The following ADARB2 variants were observed in gnomAD, a reference collection of about 807,000 sequenced individuals.
ADARB2 encodes inactive double-stranded RNA-specific editase B2.
In ADARB2, 25 loss-of-function variants were observed where a neutral mutation model predicts 62.2. The ratio of observed to expected loss-of-function variants is 0.40; its 90% CI spans 0.29 to 0.56. ADARB2 has a LOEUF of 0.56. Among genes scored for constraint, ADARB2 ranks in the 20% least tolerant of loss-of-function variants. ADARB2 has a pLI of 0.43. For missense variants in ADARB2, 1,071 were observed against 1,077.4 expected, an observed-to-expected ratio of 0.99 and a Z score of 0.08; for synonymous variants, 572 against 500.8, an observed-to-expected ratio of 1.14 and a Z score of -1.90.
intron 3 of ADARB2, among the ~76,000 whole-genome samples, chr10:1,271,858 G>T (rs1043950010): frequency 6.6e-6 from 1 of 152,202 alleles, no homozygotes; most frequent in Non-Finnish European, 1.5e-5. Flanking sequence ...TGGCATAGCC[G>T]TTGCAGGCCT....
chr10:1,557,006 C>T, intron 1 of ADARB2: 1 of 378,794 alleles, frequency 2.6e-6, no homozygotes, highest in South Asian at 2.0e-5. Flanking sequence ...CTGCATCTCA[C>T]TTTTCTTCTT....
intron 1 of ADARB2, among the ~76,000 whole-genome samples, chr10:1,437,231 TACAC>T (rs1432466265): frequency 6.6e-4 from 97 of 146,266 alleles, no homozygotes; most frequent in African/African-American, 2.4e-3. Context: ...TATATATATA[TACAC>T]ACACACACAT....
intron 1 of ADARB2, among the ~76,000 whole-genome samples, chr10:1,656,941 C>T (rs1037885768): frequency 6.6e-6 from 1 of 151,478 alleles, no homozygotes; most frequent in Non-Finnish European, 1.5e-5. Context: ...AGATAAGATA[C>T]TTTAAGTTGA....
At chr10:1,605,455 G>C (rs1833483440) in intron 1 of ADARB2, among the ~76,000 whole-genome samples, 1 of 152,216 alleles carries the variant, frequency 6.6e-6, no homozygotes, top group African/African-American at 2.4e-5. Flanking sequence ...GAATGGGTAT[G>C]AATGGTCTCC....
At chr10:1,717,501 T>C (rs1835034811) in intron 1 of ADARB2, among the ~76,000 whole-genome samples, 1 of 151,398 alleles carries the variant, frequency 6.6e-6, no homozygotes, top group Non-Finnish European at 1.5e-5. Context: ...TTCCTTTCCT[T>C]TCTTTCTTTC....
intron 1 of ADARB2, among the ~76,000 whole-genome samples, chr10:1,400,932 G>A (rs1267744517): frequency 2.6e-5 from 4 of 152,282 alleles, no homozygotes; most frequent in Admixed American, 6.5e-5. Context: ...AGGGAGGGCC[G>A]GGAACGACCT....
At chr10:1,410,775 C>A (rs1236195726) in intron 1 of ADARB2, among the ~76,000 whole-genome samples, 1 of 152,162 alleles carries the variant, frequency 6.6e-6, no homozygotes, top group Admixed American at 6.5e-5. Flanking sequence ...CAGGAATCGT[C>A]GGTGCAATTT....
intron 7 of ADARB2, among the ~76,000 whole-genome samples, chr10:1,207,787 A>G (rs943443096): frequency 6.6e-6 from 1 of 152,238 alleles, no homozygotes; most frequent in South Asian, 2.1e-4. Flanking sequence ...ATTAGAAACC[A>G]TATCTGAAGG....
intron 1 of ADARB2, among the ~76,000 whole-genome samples, chr10:1,539,961 A>AT (rs958093716): frequency 1.7e-4 from 26 of 150,848 alleles, no homozygotes; most frequent in African/African-American, 2.9e-4. Context: ...AGCAGTGATA[A>AT]TTTTTTTTTT....
At chr10:1,419,771 A>T (rs1832837297) in intron 1 of ADARB2, among the ~76,000 whole-genome samples, 1 of 152,340 alleles carries the variant, frequency 6.6e-6, no homozygotes, top group Non-Finnish European at 1.5e-5. Context: ...CATGAATCTA[A>T]ATGTTAACTA....
At chr10:1,271,182 C>T (rs575927510) in intron 3 of ADARB2, 113 bp from the exon 4 acceptor site, 3 of 780,058 alleles carry the variant, frequency 3.8e-6, no homozygotes, top group East Asian at 2.7e-5. Flanking sequence ...CACACATGGG[C>T]CTGCTCTCCT....
At chr10:1,659,508 G>T (rs984265452) in intron 1 of ADARB2, among the ~76,000 whole-genome samples, 6 of 152,268 alleles carry the variant, frequency 3.9e-5, no homozygotes, top group Non-Finnish European at 8.8e-5. Context: ...CCTGGAAGGA[G>T]CCTGGAGCCC....
At chr10:1,187,471 C>G (rs1187621545) in intron 8 of ADARB2, among the ~76,000 whole-genome samples, 1 of 152,264 alleles carries the variant, frequency 6.6e-6, no homozygotes, top group Non-Finnish European at 1.5e-5. Context: ...CACTGAGGTG[C>G]CAAGCTGCAA....
intron 3 of ADARB2, among the ~76,000 whole-genome samples, chr10:1,308,337 C>CTT (rs1293943110): frequency 6.6e-6 from 1 of 152,154 alleles, no homozygotes; most frequent in South Asian, 2.1e-4. Flanking sequence ...TGTCTTCCTT[C>CTT]TTTGTAATGC....
chr10:1,462,569 G>A (rs1003272969), intron 1 of ADARB2, among the ~76,000 whole-genome samples: 10 of 152,142 alleles, frequency 6.6e-5, no homozygotes, highest in African/African-American at 1.9e-4. Context: ...CTGTGTGTAT[G>A]TGCCTGTGTG....
At chr10:1,337,498 G>A (rs1475374397) in intron 3 of ADARB2, among the ~76,000 whole-genome samples, 1 of 152,124 alleles carries the variant, frequency 6.6e-6, no homozygotes, top group Non-Finnish European at 1.5e-5. Context: ...CCATGGTAAG[G>A]ACTACAATAA....
intron 3 of ADARB2, among the ~76,000 whole-genome samples, chr10:1,318,935 A>C (rs146060912): frequency 1.2e-3 from 187 of 152,300 alleles, no homozygotes; most frequent in African/African-American, 4.2e-3. Flanking sequence ...CCGTGCTCCA[A>C]AGGCTTATGA....
chr10:1,467,109 C>A (rs948756085), intron 1 of ADARB2, among the ~76,000 whole-genome samples: 2 of 152,142 alleles, frequency 1.3e-5, no homozygotes, highest in African/African-American at 4.8e-5. Context: ...TCTCGTAAAG[C>A]AGGAGAGAGA....
intron 1 of ADARB2, among the ~76,000 whole-genome samples, chr10:1,600,982 T>C (rs1422004607): frequency 6.6e-6 from 1 of 152,176 alleles, no homozygotes; most frequent in African/African-American, 2.4e-5. Context: ...AAGCAGTGAC[T>C]CTTGCAGCAG....
Sources: allele counts gnomAD v4.1 joint callset (sites outside exome capture counted in the v4.1 genomes callset), GRCh38; gene constraint gnomAD v4.1.1; transcripts MANE v1.5; gene names NCBI Gene and HGNC (gene_info 2026-07-23, HGNC 2026-07-21).